The following GNAL variants were observed in gnomAD, a reference collection of about 807,000 sequenced individuals.
GNAL encodes the protein G protein subunit alpha L.
In GNAL, 18 loss-of-function variants were observed where a neutral mutation model predicts 55.1. That is an observed-to-expected ratio of 0.33 (90% CI 0.23 to 0.48). The LOEUF is 0.48. GNAL is among the 20% of genes least tolerant of loss of function. The pLI, the probability that GNAL is intolerant of heterozygous loss-of-function variation, is 0.99. For synonymous variants in GNAL, 253 were observed against 237.0 expected (o/e 1.07, Z -0.62); for missense variants, 412 against 614.1 (o/e 0.67, Z 3.48).
Position 11,883,553 on chromosome 18 carries a change from A to T in GNAL, c.*2418A>T, listed in dbSNP as rs2036774413. The T allele has an allele frequency of 6.5e-6, 1 of 153,662 alleles. No homozygotes were observed. The highest frequency in any genetic ancestry group is 2.4e-5 in the African/African-American group (1 of 41,464). The allele number at this position is 153,662 out of a possible 1,614,324, so 9.5% of individuals were successfully genotyped here. ...CATTCCACTTTTTAAGTTTCTTTTG[A>T]TCACTGACAGGCATTAACAGATGTA... On this transcript the variant is annotated 3_prime_UTR_variant, in exon 12 of 12. Transcript: ENST00000334049.
Position 11,744,757 on chromosome 18 carries a change from CTGGAG to C in GNAL, c.377-8093_377-8089del, listed in dbSNP as rs2032652174. Among the ~76,000 whole-genome samples, 8 of 152,358 alleles carry C rather than the reference CTGGAG, an allele frequency of 5.3e-5. No individual in the cohort carries two copies. In the South Asian group the frequency reaches 1.4e-3, roughly 28 times the overall value. ...ACAGAGTCTCGCTCTCTCACCCAGGCTGGAGTGCACTGATGCAAACATGACTCACT... is the reference window on the plus strand; with the variant it reads ...ACAGAGTCTCGCTCTCTCACCCAGGCTGCACTGATGCAAACATGACTCACT... On this transcript the variant is annotated intron_variant, in intron 1 of 11. Transcript: ENST00000334049.
At chr18:11,792,131 C>T (rs919015881) in intron 4 of GNAL, among the ~76,000 whole-genome samples, 2 of 152,096 alleles carry the variant, frequency 1.3e-5, no homozygotes, top group East Asian at 1.9e-4. Context: ...GCTTTGGTCA[C>T]GAAATTATAT....
Position 11,882,696 on chromosome 18 carries a change from A to AG in GNAL, c.*1561_*1562insG, listed in dbSNP as rs1375927549. 4 of 151,910 alleles carry AG rather than the reference A, an allele frequency of 2.6e-5. No homozygotes were observed. The highest frequency in any genetic ancestry group is 4.8e-5 in the African/African-American group (2 of 41,334). 9.4% of individuals were successfully genotyped at this position (151,910 alleles called of 1,614,324 possible). On this transcript the variant is annotated 3_prime_UTR_variant, in exon 12 of 12. Coordinates refer to ENST00000334049, the MANE Select transcript of GNAL (RefSeq NM_182978.4). ...GTGAGACTCAGGCCAAAAAAAAAAA[A>AG]AAAAAAAACCTTGACGTGTCAATGT...
At chr18:11,786,794 A>C (rs1387508033) in intron 4 of GNAL, among the ~76,000 whole-genome samples, 1 of 151,894 alleles carries the variant, frequency 6.6e-6, no homozygotes, top group African/African-American at 2.4e-5. Flanking sequence ...TTTTATAAAC[A>C]TCACTTCATA....
At chr18:11,841,791 C>G (rs2035620942) in intron 5 of GNAL, among the ~76,000 whole-genome samples, 1 of 152,084 alleles carries the variant, frequency 6.6e-6, no homozygotes, top group Admixed American at 6.6e-5. Flanking sequence ...AGATAAAAAC[C>G]TCTGCTTTAT....
chr18:11,776,108 G>A (rs920400446), intron 4 of GNAL, among the ~76,000 whole-genome samples: 1 of 152,172 alleles, frequency 6.6e-6, no homozygotes, highest in African/African-American at 2.4e-5. Flanking sequence ...CCTCCAGAGC[G>A]CCTCTTTGCT....
intron 7 of GNAL, among the ~76,000 whole-genome samples, chr18:11,865,719 C>T: frequency 7.1e-6 from 1 of 141,822 alleles, no homozygotes; most frequent in Admixed American, 7.0e-5. Context: ...TAGGCCATTT[C>T]ACTCCAGCCT....
At chr18:11,866,809 T>C (rs2036272970) in intron 7 of GNAL, among the ~76,000 whole-genome samples, 1 of 143,440 alleles carries the variant, frequency 7.0e-6, no homozygotes, top group Non-Finnish European at 1.5e-5. Flanking sequence ...TGACTTAGCC[T>C]GTACTCAGAG....
chr18:11,758,912 C>A (rs1317308609), intron 4 of GNAL, among the ~76,000 whole-genome samples: 1 of 152,240 alleles, frequency 6.6e-6, no homozygotes, highest in Non-Finnish European at 1.5e-5. Context: ...GTGGCTCACA[C>A]CTGTAATCCC....
chr18:11,869,077 G>A (rs906903987), intron 9 of GNAL, among the ~76,000 whole-genome samples: 5 of 152,000 alleles, frequency 3.3e-5, no homozygotes, highest in African/African-American at 7.2e-5. Context: ...ATCCAGAACC[G>A]TACGAAGTAT....
intron 4 of GNAL, among the ~76,000 whole-genome samples, chr18:11,794,873 C>T (rs940299972): frequency 6.6e-6 from 1 of 151,692 alleles, no homozygotes; most frequent in African/African-American, 2.4e-5. Context: ...GACAGAGTCT[C>T]GTTCTGTCAC....
At chr18:11,851,578 A>G in intron 5 of GNAL, 1 of 1,611,992 alleles carries the variant, frequency 6.2e-7, no homozygotes, top group Non-Finnish European at 8.5e-7. Flanking sequence ...TAGGAGTGCC[A>G]AAAAATGCGA....
intron 7 of GNAL, among the ~76,000 whole-genome samples, chr18:11,866,727 A>G (rs1325026685): frequency 6.7e-6 from 1 of 150,220 alleles, no homozygotes; most frequent in African/African-American, 2.5e-5. Context: ...GCCTTTCTCA[A>G]TTCTCCATGG....
At chr18:11,806,376 G>A (rs2034660595) in intron 4 of GNAL, among the ~76,000 whole-genome samples, 2 of 152,132 alleles carry the variant, frequency 1.3e-5, no homozygotes, top group South Asian at 4.1e-4. Flanking sequence ...TTGTGTTTTC[G>A]TTGCATTTGC....
intron 4 of GNAL, among the ~76,000 whole-genome samples, chr18:11,786,123 T>G (rs1323180770): frequency 6.6e-6 from 1 of 152,180 alleles, no homozygotes; most frequent in Non-Finnish European, 1.5e-5. Flanking sequence ...TTATTTCAGC[T>G]TATAATTCAG....
In GNAL at chr18:11,695,922, GCACACACACACA is replaced by G. The variant is rs10661294; in HGVS notation, c.376+6002_376+6013del. On this transcript the variant is annotated intron_variant, in intron 1 of 11. Coordinates refer to ENST00000334049, the MANE Select transcript of GNAL (RefSeq NM_182978.4). ...CATGCTCAGACATGCATGCACGCAT[GCACACACACACA>G]CACACACACACACACACAAAGGAAA... Among the ~76,000 whole-genome samples the G allele has an allele frequency of 2.7e-4, 37 of 136,098 alleles. No homozygotes were observed. The East Asian group carries it at 5.6e-3, about 21-fold the overall frequency. The allele number at this position is 136,098 out of a possible 152,430, so 89.3% of individuals were successfully genotyped here.
At chr18:11,754,339 C>G (rs770370964) in intron 4 of GNAL, among the ~76,000 whole-genome samples, 1 of 151,348 alleles carries the variant, frequency 6.6e-6, no homozygotes, top group East Asian at 1.9e-4. Flanking sequence ...ATTGCTTGAT[C>G]GAGGGAGGTG....
rs1365697377 is a variant in GNAL at position 11,868,151 on chromosome 18, T to C, written c.911-392T>C. Among the ~76,000 whole-genome samples the C allele has an allele frequency of 3.3e-5, 5 of 151,116 alleles. No homozygotes were observed. Among genetic ancestry groups the C allele is most frequent in the Non-Finnish European group, 7.4e-5 (5 of 67,850 alleles). Reference sequence around the variant, plus strand: ...GGAAGAAAATACAAAAATACAAAAATTAGCCAGGTGTGGTGACACATGCCT... The same window carrying C: ...GGAAGAAAATACAAAAATACAAAAACTAGCCAGGTGTGGTGACACATGCCT... On this transcript the variant is annotated intron_variant, in intron 8 of 11. Coordinates refer to ENST00000334049, the MANE Select transcript of GNAL (RefSeq NM_182978.4). The surrounding 1 kb of genome is among the most constrained non-coding windows in gnomAD (Gnocchi z 4.0).
chr18:11,853,058 C>CTG (rs143407589), intron 5 of GNAL: 2 of 166,932 alleles, frequency 1.2e-5, no homozygotes, highest in South Asian at 4.1e-4. Context: ...AACCCTAGGA[C>CTG]TGTGTGTGTG....
Sources: gnomAD v4.1 joint callset for allele counts (sites outside exome capture counted in the v4.1 genomes callset) on GRCh38, gnomAD v4.1.1 for gene constraint, Gnocchi (gnomAD v3.1) non-coding constraint, MANE v1.5 for transcripts, NCBI Gene and HGNC (gene_info 2026-07-23, HGNC 2026-07-21) for gene names.